ALDH9A1: variants seen among roughly 807,000 people sequenced by gnomAD.
The protein encoded by ALDH9A1 is aldehyde dehydrogenase 9 family member A1.
ALDH9A1 carries 42 observed loss-of-function variants against 56.6 expected under a neutral mutation model. That is an observed-to-expected ratio of 0.74 (90% CI 0.58 to 0.96). The LOEUF is 0.96. Ranked by LOEUF, ALDH9A1 falls within the 40% of genes least tolerant of loss-of-function variation. ALDH9A1 has a pLI of 0.00. For missense variants in ALDH9A1, 661 were observed against 651.5 expected (o/e 1.01, Z -0.16); for synonymous variants, 242 against 236.0 (o/e 1.03, Z -0.23).
intron 2 of ALDH9A1, among the ~76,000 whole-genome samples, chr1:165,693,010 A>G (rs1373088759): frequency 1.3e-5 from 2 of 151,908 alleles, no homozygotes; most frequent in Non-Finnish European, 2.9e-5. Flanking sequence ...CTGGCTAGCC[A>G]TATGTAGAAA....
chr1:165,673,568 C>G (rs1246606288), intron 6 of ALDH9A1, among the ~76,000 whole-genome samples: 1 of 152,084 alleles, frequency 6.6e-6, no homozygotes, highest in Non-Finnish European at 1.5e-5. Context: ...TCCTCCCGAC[C>G]CAAAAGAAAT....
At position 165,698,385 on chromosome 1, in the gene ALDH9A1, T is replaced by C; in HGVS notation, c.174A>G (p.Pro58=). The change falls in exon 1 of 11, where the codon CCA becomes CCG. Residue 58 remains proline, a synonymous_variant. Transcript: ENST00000354775. ...DASGTEKAFE[P]ATGRVIATFT... is the part of the protein sequence containing the mutation. ...CCGGCTCGTTGCAGTTACCGGTTGC[T>C]GGCTCGAAAGCTTTCTCGGTACCGG... 1.3e-6 allele frequency: 2 copies of C among 1,591,546 alleles called. No homozygotes were observed. Among genetic ancestry groups the C allele is most frequent in the Non-Finnish European group, 8.5e-7 (1 of 1,170,864 alleles).
intron 10 of ALDH9A1, among the ~76,000 whole-genome samples, chr1:165,663,542 T>TA (rs1648907382): frequency 1.3e-5 from 2 of 152,350 alleles, no homozygotes; most frequent in South Asian, 4.1e-4. Context: ...CACCATTTCT[T>TA]AAACACCTAT....
intron 4 of ALDH9A1, among the ~76,000 whole-genome samples, chr1:165,681,360 T>C (rs150198915): frequency 6.6e-6 from 1 of 152,172 alleles, no homozygotes; most frequent in African/African-American, 2.4e-5. Context: ...AAGTTGACAT[T>C]GAAGACCAGA....
At chr1:165,677,099 A>C (rs1649386764) in intron 6 of ALDH9A1, among the ~76,000 whole-genome samples, 1 of 152,218 alleles carries the variant, frequency 6.6e-6, no homozygotes, top group Non-Finnish European at 1.5e-5. Flanking sequence ...CAGGCCGGGC[A>C]CGGTGGCACA....
rs1207068068 is a variant in ALDH9A1, at chr1:165,680,471, C to T, written c.789+16G>A. Reference sequence around the variant, plus strand: ...CAAATGCCATGTGTGTTGACCAATACTGGTTTTGTCCTCACCTTCATGCCA... The same window carrying T: ...CAAATGCCATGTGTGTTGACCAATATTGGTTTTGTCCTCACCTTCATGCCA... On this transcript the variant is annotated intron_variant, in intron 5 of 10. Transcript: ENST00000354775. 3 of 1,612,798 alleles carry T rather than the reference C, an allele frequency of 1.9e-6. No homozygotes were observed. The highest frequency in any genetic ancestry group is 4.5e-5 in the East Asian group (2 of 44,882).
chr1:165,670,065 T>C (rs1649127782), intron 6 of ALDH9A1, among the ~76,000 whole-genome samples: 1 of 152,120 alleles, frequency 6.6e-6, no homozygotes, highest in Non-Finnish European at 1.5e-5. Flanking sequence ...ATCAGTAATG[T>C]GGAAAACATA....
chr1:165,687,505 G>C (rs1649748547), intron 2 of ALDH9A1, among the ~76,000 whole-genome samples: 1 of 151,952 alleles, frequency 6.6e-6, no homozygotes, highest in South Asian at 2.1e-4. Context: ...TACATACAAA[G>C]ATACAAAAAT....
At position 165,669,258 on chromosome 1, in the gene ALDH9A1, T is replaced by C. The variant is rs1649100272; in HGVS notation, c.1119+4A>G. The C allele has an allele frequency of 2.5e-6, 4 of 1,596,850 alleles. No homozygotes were observed. Among genetic ancestry groups the C allele is most frequent in the Non-Finnish European group, 2.6e-6 (3 of 1,172,650 alleles). On this transcript the variant is annotated splice_donor_region_variant and intron_variant, in intron 7 of 10. Transcript: ENST00000354775. ...ACCCCACCCTACTGCCAATTATTTC[T>C]TACCTGCTCCTTTGCCACTTTGACA...
intron 10 of ALDH9A1, among the ~76,000 whole-genome samples, chr1:165,664,399 T>A (rs151086046): frequency 4.6e-5 from 7 of 152,190 alleles, no homozygotes; most frequent in Non-Finnish European, 1.0e-4. Flanking sequence ...GCCTCAAACC[T>A]TCTCCTGATA....
Position 165,670,440 on chromosome 1 carries a change from T to A in ALDH9A1, c.931-990A>T, listed in dbSNP as rs1890079. 8.8e-3 allele frequency among the ~76,000 whole-genome samples: 1,143 copies of A among 129,348 alleles called. 28 individuals are homozygous for A. Among genetic ancestry groups the A allele is most frequent in the South Asian group, 0.081 (339 of 4,166 alleles). 84.9% of individuals were successfully genotyped at this position (129,348 alleles called of 152,430 possible). A position where few individuals can be genotyped will look rare whatever the true frequency, so the allele number is the denominator to read the frequency against. ...TGAGAGAGCGAGACTTTTTTTTTTT[T>A]AAAAAAAGAGACAATACTGGTAATT... On this transcript the variant is annotated intron_variant, in intron 6 of 10. Transcript: ENST00000354775.
chr1:165,694,346 G>A (rs562595168), intron 2 of ALDH9A1, among the ~76,000 whole-genome samples: 10 of 152,062 alleles, frequency 6.6e-5, no homozygotes, highest in African/African-American at 2.2e-4. Flanking sequence ...AGGACCTTCC[G>A]TGTGTTAGGC....
intron 6 of ALDH9A1, among the ~76,000 whole-genome samples, chr1:165,677,752 G>T (rs1231349251): frequency 6.6e-6 from 1 of 151,620 alleles, no homozygotes; most frequent in Non-Finnish European, 1.5e-5. Context: ...CAGCTACTTG[G>T]GAGGCTGAGG....
In ALDH9A1 at chr1:165,682,210, A is replaced by G. The variant is rs577886592; in HGVS notation, c.489T>C (p.Phe163=). The change falls in exon 4 of 11, where the codon TTT becomes TTC. Residue 163 remains phenylalanine, a synonymous_variant. Coordinates refer to ENST00000354775, the MANE Select transcript of ALDH9A1 (RefSeq NM_000696.4). ...GEHIQLPGGS[F]GYTRREPLGV... is the part of the protein sequence containing the mutation. ...CAAGTGGTTCTCTTCTGGTATAACC[A>G]AACGATCCACCTGGGAGCTGGATGT... is the stretch of plus-strand genomic sequence containing the variant. 1.9e-6 allele frequency: 3 copies of G among 1,613,808 alleles called. No homozygotes were observed. Among genetic ancestry groups the G allele is most frequent in the African/African-American group, 1.3e-5 (1 of 75,034 alleles).
intron 8 of ALDH9A1, 150 bp downstream of exon 8, chr1:165,668,776 T>C: frequency 1.7e-6 from 1 of 578,512 alleles, no homozygotes; most frequent in Non-Finnish European, 3.0e-6. Flanking sequence ...TCAAAGATAA[T>C]GGAGCAGTTC....
At chr1:165,688,559 A>G (rs1649783946) in intron 2 of ALDH9A1, among the ~76,000 whole-genome samples, 1 of 152,098 alleles carries the variant, frequency 6.6e-6, no homozygotes, top group African/African-American at 2.4e-5. Flanking sequence ...CTCTACAAAA[A>G]ATACAAACAA....
intron 2 of ALDH9A1, among the ~76,000 whole-genome samples, chr1:165,685,039 A>G (rs532450168): frequency 6.6e-6 from 1 of 152,326 alleles, no homozygotes; most frequent in African/African-American, 2.4e-5. Context: ...ATCTTCTGAT[A>G]TAGTACGTAA....
chr1:165,673,842 G>A (rs1649257716), intron 6 of ALDH9A1, among the ~76,000 whole-genome samples: 1 of 152,106 alleles, frequency 6.6e-6, no homozygotes, highest in Non-Finnish European at 1.5e-5. Flanking sequence ...TTGAACTAGA[G>A]CAACTTCATC....
intron 2 of ALDH9A1, among the ~76,000 whole-genome samples, chr1:165,691,805 G>A (rs1028441659): frequency 2.0e-5 from 3 of 152,054 alleles, no homozygotes; most frequent in Non-Finnish European, 2.9e-5. Flanking sequence ...GATGAACATC[G>A]ATGCAAAAAT....
Sources: gnomAD v4.1 joint callset for allele counts (sites outside exome capture counted in the v4.1 genomes callset) on GRCh38, gnomAD v4.1.1 for gene constraint, MANE v1.5 for transcripts, NCBI Gene and HGNC (gene_info 2026-07-23, HGNC 2026-07-21) for gene names.